Variants in ENOX1 observed in about 807,000 individuals in gnomAD.
ENOX1 encodes the protein ecto-NOX disulfide-thiol exchanger 1, also known as candidate growth-related and time keeping constitutive hydroquinone (NADH) oxidase.
In ENOX1, 42 loss-of-function variants were observed where a neutral mutation model predicts 82.5. The observed-to-expected ratio is 0.51, with a 90% confidence interval of 0.40 to 0.66. The LOEUF is 0.66. Ranked by LOEUF, ENOX1 falls within the 30% of genes least tolerant of loss-of-function variation. ENOX1 has a pLI of 0.00. For synonymous variants in ENOX1, 271 were observed against 282.2 expected, an observed-to-expected ratio of 0.96 and a Z score of 0.40; for missense variants, 608 against 811.6, an observed-to-expected ratio of 0.75 and a Z score of 3.05.
intron 2 of ENOX1, among the ~76,000 whole-genome samples, chr13:43,515,131 A>C (rs2077512272): frequency 6.6e-6 from 1 of 152,202 alleles, no homozygotes; most frequent in Non-Finnish European, 1.5e-5. Context: ...AGTACACGGC[A>C]GAGGTGGGAC....
At chr13:43,229,400 G>A (rs2042174940) in intron 15 of ENOX1, among the ~76,000 whole-genome samples, 2 of 152,162 alleles carry the variant, frequency 1.3e-5, no homozygotes, top group African/African-American at 4.8e-5. Flanking sequence ...ACCATTCCAG[G>A]TACAGGCCAC....
intron 3 of ENOX1, among the ~76,000 whole-genome samples, chr13:43,472,050 A>G (rs1397712947): frequency 6.6e-6 from 1 of 151,716 alleles, no homozygotes; most frequent in Non-Finnish European, 1.5e-5. Context: ...AAAAAGAGAA[A>G]GCAATCCCAG....
At chr13:43,548,543 C>T (rs1236835500) in intron 2 of ENOX1, among the ~76,000 whole-genome samples, 2 of 152,300 alleles carry the variant, frequency 1.3e-5, no homozygotes, top group Admixed American at 1.3e-4. Flanking sequence ...TCCAGATTTA[C>T]GTTACATCAT....
chr13:43,325,157 T>C (rs2048040579), intron 10 of ENOX1, among the ~76,000 whole-genome samples: 2 of 151,870 alleles, frequency 1.3e-5, no homozygotes, highest in Non-Finnish European at 2.9e-5. Context: ...TAAGTCAGAG[T>C]CAGGGAGAAC....
chr13:43,764,432 T>C (rs112631013), intron 1 of ENOX1, among the ~76,000 whole-genome samples: 42 of 152,324 alleles, frequency 2.8e-4, no homozygotes, highest in African/African-American at 9.1e-4. Context: ...AGGATAATTA[T>C]GATGGAAACA....
At chr13:43,486,794 G>A (rs760949917) in intron 2 of ENOX1, among the ~76,000 whole-genome samples, 18 of 152,180 alleles carry the variant, frequency 1.2e-4, no homozygotes, top group African/African-American at 2.7e-4. Flanking sequence ...TGTATTTCCC[G>A]CAAAGGCTGT....
intron 3 of ENOX1, among the ~76,000 whole-genome samples, chr13:43,418,500 C>T (rs556682817): frequency 6.6e-6 from 1 of 152,180 alleles, no homozygotes; most frequent in South Asian, 2.1e-4. Flanking sequence ...TGCACTCCAG[C>T]CTGGGCAACA....
intron 8 of ENOX1, among the ~76,000 whole-genome samples, chr13:43,355,498 A>G (rs1311337429): frequency 1.3e-5 from 2 of 152,186 alleles, no homozygotes; most frequent in Non-Finnish European, 2.9e-5. Flanking sequence ...TGCACACTCT[A>G]TAGAGCTGGA....
intron 2 of ENOX1, among the ~76,000 whole-genome samples, chr13:43,621,984 G>T (rs2153746420): frequency 6.6e-6 from 1 of 152,170 alleles, no homozygotes; most frequent in South Asian, 2.1e-4. Context: ...GTTGGATTGG[G>T]TTAATTCGAA....
intron 3 of ENOX1, among the ~76,000 whole-genome samples, chr13:43,436,815 A>G (rs9594938): frequency 0.15 from 23,170 of 152,142 alleles, 2,356 homozygotes; most frequent in East Asian, 0.52. Flanking sequence ...ATCAGGGCTA[A>G]TAAGTGTAAG....
chr13:43,629,157 T>C (rs539787780), intron 2 of ENOX1, among the ~76,000 whole-genome samples: 2 of 152,216 alleles, frequency 1.3e-5, no homozygotes, highest in Non-Finnish European at 1.5e-5. Context: ...AGAATAGTTA[T>C]AGCCTCTGGA....
intron 1 of ENOX1, among the ~76,000 whole-genome samples, chr13:43,682,971 G>A (rs1003262701): frequency 2.6e-5 from 4 of 152,120 alleles, no homozygotes; most frequent in African/African-American, 9.7e-5. Flanking sequence ...AATAAACTTT[G>A]GGTTTTTAAT....
At chr13:43,322,131 A>G (rs1395636290) in intron 11 of ENOX1, among the ~76,000 whole-genome samples, 2 of 152,218 alleles carry the variant, frequency 1.3e-5, no homozygotes, top group Non-Finnish European at 2.9e-5. Flanking sequence ...ATTTTCATGG[A>G]AACAGGCAAA....
Position 43,550,813 on chromosome 13 carries a change from A to G in ENOX1, c.-218-66661T>C, listed in dbSNP as rs1021170034. ...AGCAAAGAAGTTGTACTTTGTATTG[A>G]GTTAAAGAATCAATCATCTCTAGCC... On this transcript the variant is annotated intron_variant, in intron 2 of 16. Transcript: ENST00000690772. Among the ~76,000 whole-genome samples the G allele has an allele frequency of 3.9e-5, 6 of 152,184 alleles. No individual in the cohort carries two copies. The South Asian group carries it at 1.2e-3, about 32-fold the overall frequency.
At chr13:43,499,036 A>C (rs2076888392) in intron 2 of ENOX1, among the ~76,000 whole-genome samples, 1 of 152,120 alleles carries the variant, frequency 6.6e-6, no homozygotes, top group African/African-American at 2.4e-5. Context: ...ATTATGATAA[A>C]TGTACTTTAC....
intron 11 of ENOX1, among the ~76,000 whole-genome samples, chr13:43,320,280 C>T (rs1209252758): frequency 2.0e-5 from 3 of 152,180 alleles, no homozygotes; most frequent in Non-Finnish European, 4.4e-5. Context: ...TTGAACTGCT[C>T]GGGGCCTGGC....
At chr13:43,217,592 C>T (rs549663878) in intron 16 of ENOX1, among the ~76,000 whole-genome samples, 20 of 152,310 alleles carry the variant, frequency 1.3e-4, no homozygotes, top group South Asian at 6.2e-4. Flanking sequence ...GCTCATTAAA[C>T]AAGCAAGTGC....
chr13:43,315,527 C>A (rs2047429893), intron 11 of ENOX1, among the ~76,000 whole-genome samples: 1 of 152,180 alleles, frequency 6.6e-6, no homozygotes, highest in Non-Finnish European at 1.5e-5. Flanking sequence ...ATCTAAACTC[C>A]TTCAAAAAAT....
At chr13:43,754,028 A>G (rs891226368) in intron 1 of ENOX1, among the ~76,000 whole-genome samples, 1 of 132,912 alleles carries the variant, frequency 7.5e-6, no homozygotes, top group Non-Finnish European at 1.6e-5. Flanking sequence ...ATATATATAC[A>G]TATATATGTA....
Sources: allele counts gnomAD v4.1 joint callset (sites outside exome capture counted in the v4.1 genomes callset), GRCh38; gene constraint gnomAD v4.1.1; transcripts MANE v1.5; gene names NCBI Gene and HGNC (gene_info 2026-07-23, HGNC 2026-07-21).